SKAP1: variants seen among roughly 807,000 people sequenced by gnomAD.
SKAP1 encodes src kinase associated phosphoprotein 1, also known as src kinase-associated phosphoprotein 1.
In SKAP1, 44 loss-of-function variants were observed where a neutral mutation model predicts 58.5. That is an observed-to-expected ratio of 0.75 (90% CI 0.59 to 0.97). The LOEUF is 0.97. Among genes scored for constraint, SKAP1 ranks in the 50% least tolerant of loss-of-function variants. The pLI is 0.00. For synonymous variants in SKAP1, 127 were observed against 149.7 expected (o/e 0.85, Z 1.11); for missense variants, 390 against 435.2 (o/e 0.90, Z 0.92).
chr17:48,326,894 T>C (rs1027201115), intron 4 of SKAP1, among the ~76,000 whole-genome samples: 8 of 148,974 alleles, frequency 5.4e-5, no homozygotes, highest in Admixed American at 2.0e-4. Flanking sequence ...TCTTTCTTTT[T>C]TTTTTTTTTT....
intron 4 of SKAP1, chr17:48,307,755 G>T (rs1383627935): frequency 6.6e-6 from 1 of 151,854 alleles, no homozygotes; most frequent in East Asian, 1.9e-4. Context: ...CAATTTTTTT[G>T]TGTGGGGGTC....
chr17:48,356,572 G>A (rs1398412629), intron 3 of SKAP1, among the ~76,000 whole-genome samples: 1 of 152,076 alleles, frequency 6.6e-6, no homozygotes, highest in Non-Finnish European at 1.5e-5. Context: ...GGGTCTCTGT[G>A]TGTGTGGCAT....
intron 4 of SKAP1, among the ~76,000 whole-genome samples, chr17:48,193,104 T>G (rs2064571381): frequency 6.6e-6 from 1 of 152,170 alleles, no homozygotes; most frequent in Non-Finnish European, 1.5e-5. Flanking sequence ...TGTAATGGTG[T>G]GATCTCAGCT....
chr17:48,304,477 G>A (rs1424320371), intron 4 of SKAP1, among the ~76,000 whole-genome samples: 1 of 152,192 alleles, frequency 6.6e-6, no homozygotes, highest in African/African-American at 2.4e-5. Flanking sequence ...GTGTAGAATT[G>A]TGTAGAAGAC....
At chr17:48,141,056 G>C (rs974525327) in intron 11 of SKAP1, among the ~76,000 whole-genome samples, 2 of 151,870 alleles carry the variant, frequency 1.3e-5, no homozygotes, top group African/African-American at 4.8e-5. Flanking sequence ...CAAAGTACTG[G>C]GATTACAGGT....
rs2063746163 is a variant in SKAP1 at position 48,139,793 on chromosome 17, C to G, written c.979-2456G>C. 2.0e-5 allele frequency among the ~76,000 whole-genome samples: 3 copies of G among 152,262 alleles called. No homozygotes were observed. The South Asian group carries it at 6.2e-4, about 32-fold the overall frequency. On this transcript the variant is annotated intron_variant, in intron 11 of 12. Transcript: ENST00000336915. ...GGAAAAGAGAAGCCATCAGATTTGT[C>G]AGCCACCAGCCACCAAAGCAGGAAC...
chr17:48,262,109 C>T (rs750914637), intron 4 of SKAP1, among the ~76,000 whole-genome samples: 1 of 152,132 alleles, frequency 6.6e-6, no homozygotes, highest in Non-Finnish European at 1.5e-5. Flanking sequence ...GTGTGGCTGC[C>T]TACAAAGAAG....
At chr17:48,293,156 A>G (rs2065919955) in intron 4 of SKAP1, among the ~76,000 whole-genome samples, 2 of 152,226 alleles carry the variant, frequency 1.3e-5, no homozygotes, top group Admixed American at 6.5e-5. Context: ...TGTAATTTTT[A>G]CAAATATGTT....
At chr17:48,393,293 T>C (rs1419669405) in intron 2 of SKAP1, among the ~76,000 whole-genome samples, 1 of 152,244 alleles carries the variant, frequency 6.6e-6, no homozygotes, top group Non-Finnish European at 1.5e-5. Context: ...TTAGCCTTCA[T>C]TGGTAACACT....
chr17:48,355,807 C>T (rs565278419), intron 3 of SKAP1, among the ~76,000 whole-genome samples: 1 of 150,264 alleles, frequency 6.7e-6, no homozygotes, highest in East Asian at 2.0e-4. Flanking sequence ...GCCTGGGTGA[C>T]AGAGCGAGAC....
At chr17:48,391,146 C>A (rs1220388066) in intron 2 of SKAP1, among the ~76,000 whole-genome samples, 1 of 152,052 alleles carries the variant, frequency 6.6e-6, no homozygotes, top group Non-Finnish European at 1.5e-5. Context: ...AATCTAAAAT[C>A]TTAAAGATAT....
At chr17:48,288,608 C>A (rs1041395091) in intron 4 of SKAP1, among the ~76,000 whole-genome samples, 11 of 152,174 alleles carry the variant, frequency 7.2e-5, no homozygotes, top group African/African-American at 2.7e-4. Context: ...CTCGCTTGAA[C>A]CCAGGAGATG....
chr17:48,244,047 G>A (rs1037523337), intron 4 of SKAP1, among the ~76,000 whole-genome samples: 1 of 152,174 alleles, frequency 6.6e-6, no homozygotes, highest in Non-Finnish European at 1.5e-5. Context: ...TCCCCACAGT[G>A]TGCAATGAAA....
intron 2 of SKAP1, among the ~76,000 whole-genome samples, chr17:48,375,941 C>T (rs552755273): frequency 7.5e-4 from 114 of 152,238 alleles, no homozygotes; most frequent in African/African-American, 2.6e-3. Context: ...CATTAGATAA[C>T]AGACTTAGAG....
At chr17:48,156,994 AAAGGG>A (rs2063986099) in intron 11 of SKAP1, among the ~76,000 whole-genome samples, 1 of 152,182 alleles carries the variant, frequency 6.6e-6, no homozygotes, top group Non-Finnish European at 1.5e-5. Flanking sequence ...ATTATTAGTA[AAAGGG>A]AAGGAAATAT....
intron 4 of SKAP1, among the ~76,000 whole-genome samples, chr17:48,228,521 C>T (rs1298612379): frequency 6.6e-6 from 1 of 152,062 alleles, no homozygotes; most frequent in Non-Finnish European, 1.5e-5. Flanking sequence ...AAAGGTGGGC[C>T]TTGAATAATT....
At chr17:48,372,417 C>T (rs886898213) in intron 2 of SKAP1, among the ~76,000 whole-genome samples, 1 of 152,144 alleles carries the variant, frequency 6.6e-6, no homozygotes, top group African/African-American at 2.4e-5. Flanking sequence ...AGTGATTCTC[C>T]TGCCTCAGCC....
intron 11 of SKAP1, among the ~76,000 whole-genome samples, chr17:48,148,349 G>T (rs1041468891): frequency 6.6e-6 from 1 of 152,168 alleles, no homozygotes; most frequent in Non-Finnish European, 1.5e-5. Flanking sequence ...AGGGATAGAG[G>T]GAAGGTAAAC....
intron 1 of SKAP1, among the ~76,000 whole-genome samples, chr17:48,414,276 A>G (rs1401637107): frequency 1.3e-5 from 2 of 152,160 alleles, no homozygotes; most frequent in Non-Finnish European, 2.9e-5. Context: ...TTTCACCTGA[A>G]ACCCCCAAAA....
Sources: gnomAD v4.1 joint callset for allele counts (sites outside exome capture counted in the v4.1 genomes callset) on GRCh38, gnomAD v4.1.1 for gene constraint, MANE v1.5 for transcripts, NCBI Gene and HGNC (gene_info 2026-07-23, HGNC 2026-07-21) for gene names.